APLF: variants seen among roughly 807,000 people sequenced by gnomAD.
The protein encoded by APLF is aprataxin and PNK-like factor.
APLF carries 61 observed loss-of-function variants against 55.6 expected under a neutral mutation model. The ratio of observed to expected loss-of-function variants is 1.10; its 90% CI spans 0.89 to 1.36. APLF has a LOEUF of 1.36. Among genes scored for constraint, APLF ranks in the 40% most tolerant of loss-of-function variants. The pLI is 0.00. For synonymous variants in APLF, 207 were observed against 214.8 expected (o/e 0.96, Z 0.32); for missense variants, 611 against 602.5 (o/e 1.01, Z -0.15).
chr2:68,563,234 C>T, intron 8 of APLF: 1 of 985,274 alleles, frequency 1.0e-6, no homozygotes, highest in South Asian at 4.7e-5. Flanking sequence ...CAACTTTCCC[C>T]TTCTAAGGCA....
At chr2:68,527,597 C>T (rs1345843029) in intron 6 of APLF, among the ~76,000 whole-genome samples, 4 of 150,884 alleles carry the variant, frequency 2.7e-5, no homozygotes, top group Non-Finnish European at 4.4e-5. Flanking sequence ...CGGGCAGAGG[C>T]AGTCCTCGAT....
At chr2:68,571,064 T>G (rs1671446358) in intron 9 of APLF, among the ~76,000 whole-genome samples, 1 of 152,250 alleles carries the variant, frequency 6.6e-6, no homozygotes, top group Non-Finnish European at 1.5e-5. Context: ...GAGCATTTTT[T>G]CATGTGTCTG....
chr2:68,509,160 A>G (rs949396841), intron 3 of APLF, among the ~76,000 whole-genome samples: 10 of 152,192 alleles, frequency 6.6e-5, no homozygotes, highest in Non-Finnish European at 1.2e-4. Context: ...CATAGGCATA[A>G]GCAAGGACTT....
intron 7 of APLF, among the ~76,000 whole-genome samples, chr2:68,544,420 A>G (rs13400878): frequency 0.084 from 12,798 of 152,286 alleles, 601 homozygotes; most frequent in Middle Eastern, 0.12. Flanking sequence ...AGAAGCAGGC[A>G]TGAGAAGCCA....
At chr2:68,517,988 AAT>A (rs200436801) in intron 5 of APLF, among the ~76,000 whole-genome samples, 12,602 of 140,158 alleles carry the variant, frequency 0.09, 1,682 homozygotes, top group African/African-American at 0.29. Flanking sequence ...ATATATCACT[AAT>A]ATGTGTTAAT....
At chr2:68,528,440 A>T in intron 6 of APLF, 2 of 1,534,058 alleles carry the variant, frequency 1.3e-6, no homozygotes, top group Admixed American at 2.0e-5. Context: ...CTCCCACCTC[A>T]GTTGCAGGGG....
At position 68,515,761 on chromosome 2, in the gene APLF, G is replaced by A. The variant is rs527494395; in HGVS notation, c.622+2081G>A. 10 of 975,706 alleles carry A rather than the reference G, an allele frequency of 1.0e-5. No homozygotes were observed. The East Asian group carries it at 3.4e-4, about 34-fold the overall frequency. The allele number at this position is 975,706 out of a possible 1,614,324, so 60.4% of individuals were successfully genotyped here. ...GGTAATCTTTTTATAAACTAAGACC[G>A]TGGGAGAAGTACTTTATAAGAACAA... On this transcript the variant is annotated intron_variant, in intron 5 of 9. Coordinates refer to ENST00000303795, the MANE Select transcript of APLF (RefSeq NM_173545.3).
intron 4 of APLF, 144 bp downstream of exon 4, chr2:68,513,371 TATGGCAGTAATCCAAC>T: frequency 8.0e-7 from 1 of 1,254,610 alleles, no homozygotes. Flanking sequence ...CTCTAGAGAA[TATGGCAGTAATCCAAC>T]AGTTAAACTA....
At chr2:68,541,697 C>G (rs1670555696) in intron 7 of APLF, among the ~76,000 whole-genome samples, 1 of 152,172 alleles carries the variant, frequency 6.6e-6, no homozygotes, top group African/African-American at 2.4e-5. Context: ...CAGCCATAGA[C>G]AGCACAGGCA....
At position 68,578,202 on chromosome 2, in the gene APLF, A is replaced by G. The variant is rs1671671485; in HGVS notation, c.*180A>G. 7.4e-7 allele frequency: 1 copy of G among 1,348,412 alleles called. No homozygotes were observed. Among genetic ancestry groups the G allele is most frequent in the African/African-American group, 1.5e-5 (1 of 67,846 alleles). The allele number at this position is 1,348,412 out of a possible 1,614,324, so 83.5% of individuals were successfully genotyped here. A position where few individuals can be genotyped will look rare whatever the true frequency, so the allele number is the denominator to read the frequency against. On this transcript the variant is annotated 3_prime_UTR_variant, in exon 10 of 10. Transcript: ENST00000303795. Reference sequence around the variant, plus strand: ...GTCAGCCTTCAGTATAATAGATGGAATTTTTTGTTGCCTTGCCTTTTCTTT... The same window carrying G: ...GTCAGCCTTCAGTATAATAGATGGAGTTTTTTGTTGCCTTGCCTTTTCTTT...
At chr2:68,494,236 C>A (rs1467920189) in intron 2 of APLF, among the ~76,000 whole-genome samples, 1 of 139,932 alleles carries the variant, frequency 7.1e-6, no homozygotes, top group African/African-American at 2.7e-5. Flanking sequence ...TGAGATCGCA[C>A]CACTGTAATC....
chr2:68,502,982 C>T (rs1411641845), intron 3 of APLF, 79 bp downstream of exon 3: 2 of 1,423,784 alleles, frequency 1.4e-6, no homozygotes, highest in Non-Finnish European at 1.9e-6. Context: ...TCGGTAGGAA[C>T]CAGTAGAAAC....
intron 2 of APLF, among the ~76,000 whole-genome samples, chr2:68,491,408 A>G (rs1043864940): frequency 1.3e-5 from 2 of 152,192 alleles, no homozygotes; most frequent in Admixed American, 1.3e-4. Context: ...TAGGTATTTA[A>G]TTAATATTTG....
chr2:68,530,779 A>G (rs1459566644), intron 6 of APLF, among the ~76,000 whole-genome samples: 1 of 152,176 alleles, frequency 6.6e-6, no homozygotes, highest in Non-Finnish European at 1.5e-5. Flanking sequence ...TGTCTGGACT[A>G]GGGAAACATG....
chr2:68,502,962 C>A, intron 3 of APLF, 59 bp downstream of exon 3: 1 of 1,536,704 alleles, frequency 6.5e-7, no homozygotes, highest in Non-Finnish European at 8.8e-7. Context: ...CCTCAGCCAT[C>A]ACAAATCCTT....
intron 5 of APLF, among the ~76,000 whole-genome samples, chr2:68,520,534 G>T (rs1363780853): frequency 6.6e-6 from 1 of 151,848 alleles, no homozygotes; most frequent in Admixed American, 6.6e-5. Context: ...TTTACATGTG[G>T]CTTGCAAATT....
intron 1 of APLF, among the ~76,000 whole-genome samples, chr2:68,470,423 G>A (rs1675582112): frequency 6.6e-6 from 1 of 152,154 alleles, no homozygotes; most frequent in Admixed American, 6.5e-5. Context: ...AATATCTTAG[G>A]TTGATATATT....
At chr2:68,566,829 G>T (rs927563128) in intron 8 of APLF, among the ~76,000 whole-genome samples, 1 of 151,946 alleles carries the variant, frequency 6.6e-6, no homozygotes, top group African/African-American at 2.4e-5. Flanking sequence ...TTTGACTTCA[G>T]AATATGTTAT....
chr2:68,473,132 G>T (rs929667592), intron 1 of APLF, among the ~76,000 whole-genome samples: 3 of 152,060 alleles, frequency 2.0e-5, no homozygotes, highest in African/African-American at 7.2e-5. Flanking sequence ...GTATAACACA[G>T]AGTTGTTCCA....
Sources: gnomAD v4.1 joint callset for allele counts (sites outside exome capture counted in the v4.1 genomes callset) on GRCh38, gnomAD v4.1.1 for gene constraint, MANE v1.5 for transcripts, NCBI Gene and HGNC (gene_info 2026-07-23, HGNC 2026-07-21) for gene names.